The following CHRM2 variants were observed in gnomAD, a reference collection of about 807,000 sequenced individuals.
CHRM2 encodes the protein cholinergic receptor muscarinic 2.
Under a neutral mutation model 25.0 loss-of-function variants are expected in CHRM2, and 8 were observed. That is an observed-to-expected ratio of 0.32 (90% CI 0.19 to 0.58). The LOEUF is 0.58. CHRM2 is among the 20% of genes least tolerant of loss of function. The pLI, the probability that CHRM2 is intolerant of heterozygous loss-of-function variation, is 0.88. For synonymous variants in CHRM2, 202 were observed against 205.7 expected, an observed-to-expected ratio of 0.98 and a Z score of 0.15; for missense variants, 440 against 567.1, an observed-to-expected ratio of 0.78 and a Z score of 2.28.
chr7:137,018,402 T>C lies in CHRM2; in HGVS notation c.*2136T>C, dbSNP rs1157232659. ...TACTTCAACATGCACTTTTACATTT[T>C]AAATTCATATTTATTTTCATATTGT... is the stretch of plus-strand genomic sequence containing the variant. On this transcript the variant is annotated 3_prime_UTR_variant, in exon 4 of 4. Transcript: ENST00000680005. 1.3e-5 allele frequency: 2 copies of C among 151,996 alleles called. No individual in the cohort carries two copies. The highest frequency in any genetic ancestry group is 4.8e-5 in the African/African-American group (2 of 41,446). 9.4% of individuals were successfully genotyped at this position (151,996 alleles called of 1,614,324 possible).
intron 3 of CHRM2, among the ~76,000 whole-genome samples, chr7:137,004,946 A>C (rs1804322391): frequency 6.6e-6 from 1 of 152,024 alleles, no homozygotes; most frequent in South Asian, 2.1e-4. Context: ...TCGACTGGAA[A>C]CAATAAAAAT....
intron 2 of CHRM2, among the ~76,000 whole-genome samples, chr7:136,991,976 C>T (rs1411269363): frequency 1.3e-5 from 2 of 152,132 alleles, no homozygotes; most frequent in Admixed American, 6.6e-5. Flanking sequence ...AAGTGAGATG[C>T]CAGTCTTCCA....
chr7:136,994,064 G>A (rs1342444467), intron 3 of CHRM2, among the ~76,000 whole-genome samples: 1 of 152,176 alleles, frequency 6.6e-6, no homozygotes, highest in African/African-American at 2.4e-5. Flanking sequence ...TGTGAAAGGT[G>A]AAATCAAGAC....
intron 2 of CHRM2, among the ~76,000 whole-genome samples, chr7:136,938,062 G>C (rs940980560): frequency 1.3e-5 from 2 of 152,174 alleles, no homozygotes; most frequent in Non-Finnish European, 2.9e-5. Flanking sequence ...GTGTATGAGA[G>C]AGGGCAGGCA....
At chr7:136,908,549 G>A (rs921042695) in intron 2 of CHRM2, among the ~76,000 whole-genome samples, 1 of 151,904 alleles carries the variant, frequency 6.6e-6, no homozygotes, top group Non-Finnish European at 1.5e-5. Context: ...TGACACAGGT[G>A]AGGCCACTTT....
At chr7:136,949,803 G>A (rs1800295421) in intron 2 of CHRM2, among the ~76,000 whole-genome samples, 1 of 151,044 alleles carries the variant, frequency 6.6e-6, no homozygotes, top group South Asian at 2.1e-4. Flanking sequence ...GCAGTGGCGC[G>A]ATCTCGGCTC....
At chr7:136,997,496 C>T (rs1279689582) in intron 3 of CHRM2, among the ~76,000 whole-genome samples, 1 of 152,084 alleles carries the variant, frequency 6.6e-6, no homozygotes, top group Admixed American at 6.6e-5. Flanking sequence ...ATAATTTTTA[C>T]TTTTTAATGT....
Position 137,015,252 on chromosome 7 carries a change from G to A in CHRM2, c.387G>A (p.Leu129=), listed in dbSNP as rs753589267. Residue 129 remains leucine (L), a synonymous_variant, in exon 4 of 4, where the codon CTG becomes CTA. Transcript: ENST00000680005. This position sits in a 1 kb window ranked among gnomAD's most constrained non-coding sequence, Gnocchi z 5.1. ...GGTACTTCTGTGTCACAAAACCTCT[G>A]ACCTACCCAGTCAAGCGGACCACAA... is the stretch of plus-strand genomic sequence containing the variant. ...FDRYFCVTKP[L]TYPVKRTTKM... is the part of the protein sequence containing the mutation. The A allele has an allele frequency of 8.7e-6, 14 of 1,613,208 alleles. No individual in the cohort carries two copies. Among genetic ancestry groups the A allele is most frequent in the Non-Finnish European group, 8.5e-7 (1 of 1,179,632 alleles).
rs1023381280 is a variant in CHRM2, at chr7:137,017,970, A to G, written c.*1704A>G. The G allele has an allele frequency of 6.6e-6, 1 of 151,922 alleles. No homozygotes were observed. Among genetic ancestry groups the G allele is most frequent in the Non-Finnish European group, 1.5e-5 (1 of 67,908 alleles). The allele number at this position is 151,922 out of a possible 1,614,324, so 9.4% of individuals were successfully genotyped here. ...TTACAGTATTTGCTGTAGTTTTCCA[A>G]TGAGATTTTCTAAAAATGGCTCAAT... On this transcript the variant is annotated 3_prime_UTR_variant, in exon 4 of 4. Coordinates refer to ENST00000680005, the MANE Select transcript of CHRM2 (RefSeq NM_001006630.2).
chr7:136,939,200 C>T (rs1278293194), intron 2 of CHRM2, among the ~76,000 whole-genome samples: 2 of 152,168 alleles, frequency 1.3e-5, no homozygotes. Flanking sequence ...TATCAATCAC[C>T]TCTTTTCCCT....
chr7:136,957,834 T>C (rs1241438791), intron 2 of CHRM2, among the ~76,000 whole-genome samples: 2 of 152,242 alleles, frequency 1.3e-5, no homozygotes, highest in Non-Finnish European at 2.9e-5. Flanking sequence ...TAAAACTTTT[T>C]ATTGAAGCCA....
intron 2 of CHRM2, among the ~76,000 whole-genome samples, chr7:136,967,028 T>C (rs989593182): frequency 2.6e-5 from 4 of 151,980 alleles, no homozygotes; most frequent in Admixed American, 1.3e-4. Flanking sequence ...GATGTGATGA[T>C]CTAGGAACAA....
chr7:136,996,416 TTTTA>T (rs1803609356), intron 3 of CHRM2, among the ~76,000 whole-genome samples: 2 of 152,130 alleles, frequency 1.3e-5, no homozygotes, highest in South Asian at 4.1e-4. Context: ...AAACAGAATA[TTTTA>T]TTTATCTGAT....
rs1414882513 is a variant in CHRM2, at chr7:137,015,944, T to G, written c.1079T>G (p.Ile360Ser). 1 of 1,613,088 alleles carries G rather than the reference T, an allele frequency of 6.2e-7. No individual in the cohort carries two copies. The highest frequency in any genetic ancestry group is 1.7e-5 in the Admixed American group (1 of 59,902). ...SGQNGDEKQN[I>S]VARKIVKMTK... ...CAGAATGGAGATGAAAAGCAGAATA[T>G]TGTAGCCCGCAAGATTGTGAAGATG... Residue 360 changes from isoleucine (I) to serine (S), a missense_variant, in exon 4 of 4, where the codon ATT (isoleucine) becomes AGT (serine). By Grantham distance (142) the Ile-to-Ser change is moderately radical. Coordinates refer to ENST00000680005, the MANE Select transcript of CHRM2 (RefSeq NM_001006630.2). The surrounding 1 kb of genome is among the most constrained non-coding windows in gnomAD (Gnocchi z 5.1).
chr7:137,010,395 G>T (rs900574387), intron 3 of CHRM2, among the ~76,000 whole-genome samples: 2 of 152,084 alleles, frequency 1.3e-5, no homozygotes, highest in African/African-American at 4.8e-5. Context: ...GCCATCTTAA[G>T]ATGCTGAGTT....
intron 2 of CHRM2, among the ~76,000 whole-genome samples, chr7:136,877,202 G>T (rs538078422): frequency 6.6e-6 from 1 of 151,980 alleles, no homozygotes; most frequent in African/African-American, 2.4e-5. Context: ...TGCTGTAGCC[G>T]GAGACTTTTT....
chr7:136,992,160 A>T (rs182145551), intron 2 of CHRM2, 27 bp from the exon 3 acceptor site: 1 of 152,014 alleles, frequency 6.6e-6, no homozygotes, highest in Non-Finnish European at 1.5e-5. Context: ...TGTTTCCCAC[A>T]CATGTTTTGT....
intron 3 of CHRM2, among the ~76,000 whole-genome samples, chr7:136,998,993 T>C (rs1192175894): frequency 6.6e-6 from 1 of 152,180 alleles, no homozygotes; most frequent in Non-Finnish European, 1.5e-5. Flanking sequence ...TTTAAAATTG[T>C]AGAAAAAACC....
chr7:136,877,431 T>A lies in CHRM2; in HGVS notation c.-125+8013T>A, dbSNP rs185830606. Among the ~76,000 whole-genome samples the A allele has an allele frequency of 5.8e-4, 88 of 152,194 alleles. 1 individual carries two copies. Among genetic ancestry groups the A allele is most frequent in the African/African-American group, 2.0e-3 (85 of 41,566 alleles). Reference sequence around the variant, plus strand: ...CTTTTCTATTTCTTATTTTTTTCCTTCTTAAATTCCTTTCATTCGTTTAAT... The same window carrying A: ...CTTTTCTATTTCTTATTTTTTTCCTACTTAAATTCCTTTCATTCGTTTAAT... On this transcript the variant is annotated intron_variant, in intron 2 of 3. Transcript: ENST00000680005.
Sources: gnomAD v4.1 joint callset for allele counts (sites outside exome capture counted in the v4.1 genomes callset) on GRCh38, gnomAD v4.1.1 for gene constraint, Gnocchi (gnomAD v3.1) non-coding constraint, MANE v1.5 for transcripts, NCBI Gene and HGNC (gene_info 2026-07-23, HGNC 2026-07-21) for gene names.